Variants in AGBL4 observed in about 807,000 individuals in gnomAD.
The protein encoded by AGBL4 is AGBL carboxypeptidase 4.
A neutral mutation model predicts 66.4 loss-of-function variants in AGBL4; 58 were observed. The ratio of observed to expected loss-of-function variants is 0.87; its 90% CI spans 0.71 to 1.09. AGBL4 has a LOEUF of 1.09. AGBL4 is among the 50% of genes least tolerant of loss of function. The pLI, the probability that AGBL4 is intolerant of heterozygous loss-of-function variation, is 0.00. For synonymous variants in AGBL4, 234 were observed against 222.9 expected, an observed-to-expected ratio of 1.05 and a Z score of -0.44; for missense variants, 579 against 631.0, an observed-to-expected ratio of 0.92 and a Z score of 0.88.
At chr1:48,687,475 C>T (rs113696536) in intron 6 of AGBL4, among the ~76,000 whole-genome samples, 3,443 of 152,268 alleles carry the variant, frequency 0.023, 121 homozygotes, top group African/African-American at 0.076. Flanking sequence ...GCCCTGTGCT[C>T]ACACTTTCCT....
intron 3 of AGBL4, among the ~76,000 whole-genome samples, chr1:49,503,976 G>C (rs1264980880): frequency 6.6e-6 from 1 of 152,062 alleles, no homozygotes; most frequent in East Asian, 1.9e-4. Flanking sequence ...ATTTGGGAAG[G>C]GCTGGGACAA....
intron 4 of AGBL4, among the ~76,000 whole-genome samples, chr1:49,061,433 T>G (rs1644400194): frequency 6.6e-6 from 1 of 152,092 alleles, no homozygotes; most frequent in Non-Finnish European, 1.5e-5. Context: ...TATAATAATT[T>G]GATGACCTGT....
intron 4 of AGBL4, among the ~76,000 whole-genome samples, chr1:49,127,017 A>G (rs543848557): frequency 6.6e-6 from 1 of 152,332 alleles, no homozygotes; most frequent in African/African-American, 2.4e-5. Flanking sequence ...TTCCAGCCAT[A>G]ATAAAATAAC....
intron 6 of AGBL4, among the ~76,000 whole-genome samples, chr1:48,761,937 T>C (rs1451804366): frequency 2.0e-5 from 3 of 152,144 alleles, no homozygotes; most frequent in Admixed American, 1.3e-4. Context: ...TTATAGCTGA[T>C]AGGGATGTAA....
At chr1:49,215,545 C>T (rs1004468655) in intron 4 of AGBL4, among the ~76,000 whole-genome samples, 1 of 151,994 alleles carries the variant, frequency 6.6e-6, no homozygotes, top group African/African-American at 2.4e-5. Context: ...TGTTTTTTCT[C>T]AAGAGTTCAT....
intron 6 of AGBL4, among the ~76,000 whole-genome samples, chr1:48,727,287 C>T (rs1275225274): frequency 1.3e-5 from 2 of 152,156 alleles, no homozygotes; most frequent in Non-Finnish European, 1.5e-5. Context: ...TCTCAGATCA[C>T]CTTGAGTGAG....
intron 3 of AGBL4, among the ~76,000 whole-genome samples, chr1:49,639,612 A>G (rs1032732774): frequency 6.6e-6 from 1 of 152,204 alleles, no homozygotes; most frequent in African/African-American, 2.4e-5. Context: ...TATTCAACAG[A>G]CATTATTGGG....
intron 5 of AGBL4, among the ~76,000 whole-genome samples, chr1:48,976,287 C>T (rs1352174305): frequency 1.3e-5 from 2 of 152,192 alleles, no homozygotes; most frequent in South Asian, 2.1e-4. Context: ...CTTGATGGAT[C>T]AATATACAAA....
chr1:49,337,311 A>G (rs1203352867), intron 3 of AGBL4, among the ~76,000 whole-genome samples: 1 of 152,200 alleles, frequency 6.6e-6, no homozygotes, highest in Non-Finnish European at 1.5e-5. Flanking sequence ...GACAGATGAA[A>G]TCAGATTCAT....
intron 5 of AGBL4, among the ~76,000 whole-genome samples, chr1:49,037,733 T>A (rs1664778602): frequency 6.6e-6 from 1 of 152,076 alleles, no homozygotes; most frequent in Non-Finnish European, 1.5e-5. Flanking sequence ...ACCTTTTTAT[T>A]CATTTTTACA....
intron 1 of AGBL4, among the ~76,000 whole-genome samples, chr1:49,928,124 A>G (rs1396393392): frequency 3.9e-5 from 6 of 152,244 alleles, no homozygotes; most frequent in African/African-American, 1.4e-4. Context: ...GAAAAGAATG[A>G]TGATGAAATT....
At chr1:49,808,739 T>C (rs914899598) in intron 2 of AGBL4, among the ~76,000 whole-genome samples, 18 of 152,142 alleles carry the variant, frequency 1.2e-4, no homozygotes, top group Non-Finnish European at 7.4e-5. Context: ...GTTCCTAACA[T>C]AGTAGAAACT....
intron 5 of AGBL4, among the ~76,000 whole-genome samples, chr1:48,939,989 C>T (rs1352352844): frequency 6.6e-6 from 1 of 152,174 alleles, no homozygotes; most frequent in African/African-American, 2.4e-5. Flanking sequence ...GACCACCTCA[C>T]CAAAGAATTA....
intron 4 of AGBL4, among the ~76,000 whole-genome samples, chr1:49,046,886 G>T (rs1644093039): frequency 6.6e-6 from 1 of 152,154 alleles, no homozygotes; most frequent in Non-Finnish European, 1.5e-5. Flanking sequence ...AGGATGTAAG[G>T]CTCACCTGTA....
chr1:49,334,961 G>A (rs1236241424), intron 3 of AGBL4, among the ~76,000 whole-genome samples: 2 of 152,140 alleles, frequency 1.3e-5, no homozygotes, highest in Non-Finnish European at 2.9e-5. Flanking sequence ...AAATAAACCA[G>A]CTCCACCAAT....
At chr1:49,061,625 T>C (rs1277121316) in intron 4 of AGBL4, among the ~76,000 whole-genome samples, 1 of 152,012 alleles carries the variant, frequency 6.6e-6, no homozygotes, top group Non-Finnish European at 1.5e-5. Context: ...GCAACAAGCA[T>C]CAGATTATCA....
chr1:49,145,662 C>A (rs1241779683), intron 4 of AGBL4, among the ~76,000 whole-genome samples: 1 of 151,988 alleles, frequency 6.6e-6, no homozygotes, highest in Non-Finnish European at 1.5e-5. Flanking sequence ...TGTTTCCAAC[C>A]ACAGTGAGTA....
Position 48,792,465 on chromosome 1 carries a change from T to C in AGBL4, c.634+74726A>G, listed in dbSNP as rs113536050. 5.7e-3 allele frequency among the ~76,000 whole-genome samples: 873 copies of C among 152,358 alleles called. 7 individuals are homozygous for C. The highest frequency in any genetic ancestry group is 7.5e-3 in the Non-Finnish European group (511 of 68,038). ...GCAATAATTCCAACAGAATAAATGATGTAACACTTAATGAGTTCCCTGAGC... is the reference window on the plus strand; with the variant it reads ...GCAATAATTCCAACAGAATAAATGACGTAACACTTAATGAGTTCCCTGAGC... On this transcript the variant is annotated intron_variant, in intron 6 of 13. Coordinates refer to ENST00000371839, the MANE Select transcript of AGBL4 (RefSeq NM_032785.4).
chr1:49,632,857 C>T (rs1329690795), intron 3 of AGBL4, among the ~76,000 whole-genome samples: 2 of 151,960 alleles, frequency 1.3e-5, no homozygotes, highest in African/African-American at 2.4e-5. Context: ...GGGCTGATCA[C>T]GAGATCAAGA....
Sources: gnomAD v4.1 joint callset for allele counts (sites outside exome capture counted in the v4.1 genomes callset) on GRCh38, gnomAD v4.1.1 for gene constraint, MANE v1.5 for transcripts, NCBI Gene and HGNC (gene_info 2026-07-23, HGNC 2026-07-21) for gene names.